STK38: variants seen among roughly 807,000 people sequenced by gnomAD.
STK38 encodes serine/threonine kinase 38, also known as serine/threonine-protein kinase 38.
A neutral mutation model predicts 59.0 loss-of-function variants in STK38; 26 were observed. The ratio of observed to expected loss-of-function variants is 0.44; its 90% CI spans 0.32 to 0.61. The LOEUF (loss-of-function observed/expected upper bound fraction) is 0.61, where lower values mean the gene tolerates loss of function less well. Ranked by LOEUF, STK38 falls within the 20% of genes least tolerant of loss-of-function variation. The probability of loss-of-function intolerance (pLI) is 0.04; values close to 1 mark genes in which losing one functional copy is unlikely to be tolerated. For synonymous variants in STK38, 175 were observed against 176.6 expected (o/e 0.99, Z 0.07); for missense variants, 433 against 566.0 (o/e 0.76, Z 2.38).
chr6:36,496,575 A>C lies in STK38; in HGVS notation c.1267+136T>G, dbSNP rs1358141837. The C allele has an allele frequency of 1.4e-5, 10 of 706,980 alleles. No homozygotes were observed. In the South Asian group the frequency reaches 1.5e-4, roughly 11 times the overall value. The allele number at this position is 706,980 out of a possible 1,614,324, so 43.8% of individuals were successfully genotyped here. A position where few individuals can be genotyped will look rare whatever the true frequency, so the allele number is the denominator to read the frequency against. On this transcript the variant is annotated intron_variant, in intron 13 of 13. Transcript: ENST00000229812. ...TTCACCACTACCCAGCATTAGAATT[A>C]GAAAAGTACTTACAAAGAACCTGAA...
At chr6:36,528,218 T>C (rs530686396) in intron 2 of STK38, among the ~76,000 whole-genome samples, 1 of 152,124 alleles carries the variant, frequency 6.6e-6, no homozygotes, top group Non-Finnish European at 1.5e-5. Context: ...TCTCATTCTG[T>C]AGACAACTGA....
intron 9 of STK38, among the ~76,000 whole-genome samples, chr6:36,501,845 T>C (rs939911151): frequency 4.6e-5 from 7 of 152,252 alleles, no homozygotes; most frequent in Non-Finnish European, 1.0e-4. Flanking sequence ...TCTTCTGTAA[T>C]GGACAGTTAC....
intron 2 of STK38, among the ~76,000 whole-genome samples, chr6:36,526,984 G>T (rs1160166473): frequency 6.6e-6 from 1 of 151,636 alleles, no homozygotes; most frequent in Non-Finnish European, 1.5e-5. Context: ...ATAAATTCAG[G>T]AGTTCGAAAC....
At chr6:36,507,040 T>A (rs903110689) in intron 8 of STK38, among the ~76,000 whole-genome samples, 1 of 152,228 alleles carries the variant, frequency 6.6e-6, no homozygotes, top group Non-Finnish European at 1.5e-5. Flanking sequence ...GACATCTGAA[T>A]TTATGATACA....
In STK38 at chr6:36,496,726, T is replaced by C; in HGVS notation, c.1252A>G (p.Ile418Val). 2 of 1,613,158 alleles carry C rather than the reference T, an allele frequency of 1.2e-6. No individual in the cohort carries two copies. The highest frequency in any genetic ancestry group is 1.1e-5 in the South Asian group (1 of 90,914). ...GTGGTGTTACCTGTTGGCTTAAGAA[T>C]ATCAGATTCTGGAAACTCATCGAAG... is the stretch of plus-strand genomic sequence containing the variant. ...SNFDEFPESD[I>V]LKPTVATSNH... The change falls in exon 13 of 14, where the codon ATT becomes GTT. Residue 418 changes from isoleucine (I) to valine (V), a missense_variant. Physicochemically the swap from Ile to Val is conservative, Grantham distance 29. Coordinates refer to ENST00000229812, the MANE Select transcript of STK38 (RefSeq NM_007271.4).
intron 7 of STK38, 36 bp from the exon 8 acceptor site, chr6:36,507,638 A>G: frequency 6.6e-7 from 1 of 1,505,070 alleles, no homozygotes; most frequent in African/African-American, 1.4e-5. Flanking sequence ...ATGGATGAGT[A>G]TTCTTGGAGG....
chr6:36,545,635 A>G (rs894531053), intron 1 of STK38, among the ~76,000 whole-genome samples: 3 of 152,200 alleles, frequency 2.0e-5, no homozygotes, highest in African/African-American at 7.2e-5. Flanking sequence ...ATTGCCCTAT[A>G]GCAATTCATA....
intron 1 of STK38, among the ~76,000 whole-genome samples, chr6:36,544,214 A>C (rs1038563325): frequency 1.3e-5 from 2 of 152,200 alleles, no homozygotes; most frequent in African/African-American, 4.8e-5. Context: ...AAACAAATTT[A>C]AGACACTGCA....
chr6:36,539,930 A>G, intron 2 of STK38, 142 bp downstream of exon 2: 1 of 1,357,818 alleles, frequency 7.4e-7, no homozygotes, highest in South Asian at 1.5e-5. Context: ...GACTTTGAAA[A>G]GCCCTTTCAC....
chr6:36,534,280 AC>A (rs1777735223), intron 2 of STK38, among the ~76,000 whole-genome samples: 1 of 152,136 alleles, frequency 6.6e-6, no homozygotes, highest in Non-Finnish European at 1.5e-5. Flanking sequence ...AAAACAAATG[AC>A]AAAAATAAAA....
intron 7 of STK38, among the ~76,000 whole-genome samples, chr6:36,512,304 C>A (rs933209261): frequency 6.6e-6 from 1 of 152,090 alleles, no homozygotes; most frequent in East Asian, 1.9e-4. Context: ...CAAACCTGCA[C>A]CTAACAGGAT....
At chr6:36,528,595 A>G (rs1777593804) in intron 2 of STK38, among the ~76,000 whole-genome samples, 1 of 152,214 alleles carries the variant, frequency 6.6e-6, no homozygotes. Flanking sequence ...ATGCGTGCAC[A>G]TGTATTAGAG....
At chr6:36,513,194 A>C (rs1777154326) in intron 7 of STK38, among the ~76,000 whole-genome samples, 1 of 149,654 alleles carries the variant, frequency 6.7e-6, no homozygotes, top group Admixed American at 6.7e-5. Context: ...TAATTTTTGT[A>C]TTTTTAGTAG....
At chr6:36,505,658 G>GCAAA (rs1776946607) in intron 9 of STK38, among the ~76,000 whole-genome samples, 1 of 152,132 alleles carries the variant, frequency 6.6e-6, no homozygotes, top group Non-Finnish European at 1.5e-5. Flanking sequence ...ATATATGTGG[G>GCAAA]CAAACGGAAG....
intron 11 of STK38, 65 bp from the exon 12 acceptor site, chr6:36,497,940 T>TTTTC: frequency 4.7e-6 from 1 of 211,946 alleles, no homozygotes; most frequent in Non-Finnish European, 6.0e-6. Flanking sequence ...AAAACTTTCT[T>TTTTC]TTTTTTTTTT....
chr6:36,527,207 A>AAAAAAAAAATAT (rs60162863), intron 2 of STK38, among the ~76,000 whole-genome samples: 1 of 119,356 alleles, frequency 8.4e-6, no homozygotes, highest in African/African-American at 3.5e-5. Context: ...AAAAAAAAAA[A>AAAAAAAAAATAT]ATATATGTAT....
At chr6:36,523,374 T>C (rs1777430646) in intron 4 of STK38, among the ~76,000 whole-genome samples, 1 of 151,236 alleles carries the variant, frequency 6.6e-6, no homozygotes, top group African/African-American at 2.4e-5. Context: ...GCAATTCTCC[T>C]GCCTCAGCCT....
Position 36,498,565 on chromosome 6 carries a change from T to C in STK38, c.953-79A>G, listed in dbSNP as rs976428984. The C allele has an allele frequency of 1.3e-5, 20 of 1,495,174 alleles. No homozygotes were observed. The African/African-American group carries it at 1.9e-4, about 14-fold the overall frequency. 92.6% of individuals were successfully genotyped at this position (1,495,174 alleles called of 1,614,324 possible). On this transcript the variant is annotated intron_variant, in intron 10 of 13. Transcript: ENST00000229812. The stretch of plus-strand genomic sequence containing the variant: ...CCGAGATTACTCTCCTTAATAAAAT[T>C]CTATGTCTTTTTTTTTCTTTTTTCT...
intron 9 of STK38, among the ~76,000 whole-genome samples, chr6:36,500,758 CAAAAAAAAAAA>C (rs753008721): frequency 3.4e-5 from 2 of 58,434 alleles, no homozygotes; most frequent in Non-Finnish European, 6.9e-5. Context: ...GACTCTGTCT[CAAAAAAAAAAA>C]AAAAAAAAAA....
Sources: gnomAD v4.1 joint callset for allele counts (sites outside exome capture counted in the v4.1 genomes callset) on GRCh38, gnomAD v4.1.1 for gene constraint, MANE v1.5 for transcripts, NCBI Gene and HGNC (gene_info 2026-07-23, HGNC 2026-07-21) for gene names.